Variants in CNTN6 observed in about 807,000 individuals in gnomAD.
CNTN6 encodes the protein contactin 6, also known as contactin-6.
Under a neutral mutation model 122.8 loss-of-function variants are expected in CNTN6, and 137 were observed. The observed-to-expected ratio is 1.12, with a 90% CI of 0.97 to 1.29. The LOEUF (loss-of-function observed/expected upper bound fraction) is 1.29, where lower values mean the gene tolerates loss of function less well. CNTN6 is among the 50% of genes most tolerant of loss of function. The pLI is 0.00. For missense variants in CNTN6, 1,634 were observed against 1,223.4 expected (o/e 1.34, Z -5.01); for synonymous variants, 570 against 426.0 (o/e 1.34, Z -4.16).
At chr3:1,337,213 T>G (rs1703205232) in intron 11 of CNTN6, among the ~76,000 whole-genome samples, 1 of 152,162 alleles carries the variant, frequency 6.6e-6, no homozygotes, top group Non-Finnish European at 1.5e-5. Context: ...TAGCTATCAT[T>G]ACATTTTCTT....
chr3:1,400,061 A>G (rs2126257943), intron 20 of CNTN6, among the ~76,000 whole-genome samples: 1 of 152,222 alleles, frequency 6.6e-6, no homozygotes, highest in East Asian at 1.9e-4. Flanking sequence ...TCTTCCAGTG[A>G]CACACAGGAG....
chr3:1,170,540 TTAACA>T (rs752299147), intron 2 of CNTN6, among the ~76,000 whole-genome samples: 22 of 152,154 alleles, frequency 1.4e-4, no homozygotes, highest in Non-Finnish European at 2.8e-4. Context: ...GATAGAGAAC[TTAACA>T]TAAATAAGAA....
intron 2 of CNTN6, among the ~76,000 whole-genome samples, chr3:1,210,510 TAA>T (rs550172582): frequency 1.6e-3 from 238 of 152,164 alleles, no homozygotes; most frequent in African/African-American, 5.5e-3. Context: ...CTCTACAGGT[TAA>T]AGAGTATGAG....
At chr3:1,294,224 A>G (rs1443859450) in intron 5 of CNTN6, among the ~76,000 whole-genome samples, 1 of 152,202 alleles carries the variant, frequency 6.6e-6, no homozygotes, top group Non-Finnish European at 1.5e-5. Flanking sequence ...AAGGTGTCCA[A>G]TCAAATTATG....
intron 6 of CNTN6, among the ~76,000 whole-genome samples, chr3:1,296,749 G>T (rs1303159187): frequency 6.6e-6 from 1 of 152,110 alleles, no homozygotes; most frequent in Non-Finnish European, 1.5e-5. Flanking sequence ...GCAACCATTA[G>T]ACTTATTCCT....
At chr3:1,122,511 C>T (rs760753252) in intron 1 of CNTN6, among the ~76,000 whole-genome samples, 1 of 151,752 alleles carries the variant, frequency 6.6e-6, no homozygotes, top group African/African-American at 2.4e-5. Context: ...AATACAGGCA[C>T]GATGTTGCAC....
At chr3:1,354,191 C>T (rs192475515) in intron 12 of CNTN6, among the ~76,000 whole-genome samples, 2 of 151,476 alleles carry the variant, frequency 1.3e-5, no homozygotes, top group East Asian at 3.9e-4. Context: ...CTGGATGTAA[C>T]ATTTGCATAT....
intron 7 of CNTN6, among the ~76,000 whole-genome samples, chr3:1,314,386 C>A (rs1447747729): frequency 6.6e-6 from 1 of 152,064 alleles, no homozygotes; most frequent in Non-Finnish European, 1.5e-5. Context: ...ATCCCAAATA[C>A]AAGCATCTTA....
chr3:1,212,876 G>GTAAAAATA (rs2094066375), intron 2 of CNTN6, among the ~76,000 whole-genome samples: 1 of 151,894 alleles, frequency 6.6e-6, no homozygotes, highest in Non-Finnish European at 1.5e-5. Flanking sequence ...GTTGAAACTA[G>GTAAAAATA]ACTTTTTACT....
chr3:1,198,999 T>C (rs1220563906), intron 2 of CNTN6, among the ~76,000 whole-genome samples: 1 of 151,988 alleles, frequency 6.6e-6, no homozygotes. Context: ...AGACAGAGAT[T>C]GAAATCATGC....
At chr3:1,164,617 T>C (rs1218001061) in intron 2 of CNTN6, among the ~76,000 whole-genome samples, 1 of 152,216 alleles carries the variant, frequency 6.6e-6, no homozygotes, top group East Asian at 1.9e-4. Flanking sequence ...AGTTTTCATG[T>C]AGAATGTGAT....
At chr3:1,364,103 C>T (rs1333877978) in intron 12 of CNTN6, among the ~76,000 whole-genome samples, 2 of 151,716 alleles carry the variant, frequency 1.3e-5, no homozygotes, top group Non-Finnish European at 2.9e-5. Flanking sequence ...GGAAGGAAAA[C>T]CATGTATATA....
chr3:1,289,248 A>C (rs771891662), intron 5 of CNTN6, among the ~76,000 whole-genome samples: 4 of 152,152 alleles, frequency 2.6e-5, no homozygotes, highest in Non-Finnish European at 5.9e-5. Flanking sequence ...GGAACAAAAT[A>C]GATAAAAGCC....
chr3:1,300,609 G>T (rs1343707381), intron 7 of CNTN6, among the ~76,000 whole-genome samples: 1 of 147,574 alleles, frequency 6.8e-6, no homozygotes, highest in African/African-American at 2.6e-5. Context: ...AAGAAAGAGA[G>T]AAAGAAAGGA....
intron 2 of CNTN6, among the ~76,000 whole-genome samples, chr3:1,172,129 C>G (rs1399679350): frequency 1.3e-5 from 2 of 152,144 alleles, no homozygotes. Flanking sequence ...CCCTAAAGCC[C>G]TCTTGGAAGA....
intron 11 of CNTN6, among the ~76,000 whole-genome samples, chr3:1,333,150 A>C (rs902233723): frequency 6.6e-6 from 1 of 151,986 alleles, no homozygotes; most frequent in Admixed American, 6.6e-5. Context: ...AGCAAACAAA[A>C]TTAAATATAT....
At chr3:1,268,558 G>C (rs2094965297) in intron 4 of CNTN6, among the ~76,000 whole-genome samples, 1 of 138,504 alleles carries the variant, frequency 7.2e-6, no homozygotes, top group Non-Finnish European at 1.5e-5. Context: ...AGTGAGCCGA[G>C]ATTGAGCCAC....
At chr3:1,327,935 A>G (rs1341980555) in intron 10 of CNTN6, among the ~76,000 whole-genome samples, 1 of 151,852 alleles carries the variant, frequency 6.6e-6, no homozygotes, top group African/African-American at 2.4e-5. Flanking sequence ...CACAGTAACT[A>G]AAAGAAACAG....
chr3:1,138,353 T>G lies in CNTN6; in HGVS notation c.-82-9574T>G, dbSNP rs577411622. 1.6e-3 allele frequency among the ~76,000 whole-genome samples: 201 copies of G among 129,480 alleles called. 4 individuals carry two copies. In the South Asian group the frequency reaches 0.019, roughly 13 times the overall value. 84.9% of individuals were successfully genotyped at this position (129,480 alleles called of 152,430 possible). A position where few individuals can be genotyped will look rare whatever the true frequency, so the allele number is the denominator to read the frequency against. On this transcript the variant is annotated intron_variant, in intron 1 of 22. Transcript: ENST00000446702. The stretch of plus-strand genomic sequence containing the variant: ...CACACTATAGAATTTTATTCTCTGC[T>G]TTTTTTTTTTCCAAACTTGAATTGA...
Sources: allele counts gnomAD v4.1 joint callset (sites outside exome capture counted in the v4.1 genomes callset), GRCh38; gene constraint gnomAD v4.1.1; transcripts MANE v1.5; gene names NCBI Gene and HGNC (gene_info 2026-07-23, HGNC 2026-07-21).